Variants in GASK1B observed in about 807,000 individuals in gnomAD.
GASK1B encodes Golgi-associated kinase 1B.
A neutral mutation model predicts 42.8 loss-of-function variants in GASK1B; 34 were observed. The observed-to-expected ratio is 0.79, with a 90% confidence interval of 0.60 to 1.06. The LOEUF is 1.06. Among genes scored for constraint, GASK1B ranks in the 50% least tolerant of loss-of-function variants. The pLI, the probability that GASK1B is intolerant of heterozygous loss-of-function variation, is 0.00. For missense variants in GASK1B, 686 were observed against 661.0 expected (o/e 1.04, Z -0.42); for synonymous variants, 262 against 259.1 (o/e 1.01, Z -0.11).
intron 2 of GASK1B, among the ~76,000 whole-genome samples, chr4:158,164,980 G>A (rs1206324933): frequency 6.6e-6 from 1 of 152,232 alleles, no homozygotes; most frequent in Non-Finnish European, 1.5e-5. Flanking sequence ...AAATGGAAGT[G>A]TGTGGGGTGC....
chr4:158,171,170 C>T lies in GASK1B; in HGVS notation c.206G>A (p.Gly69Glu), dbSNP rs758652166. The change falls in exon 2 of 5, where the codon GGG becomes GAG. Residue 69 changes from glycine to glutamate, a missense_variant. Physicochemically the swap from Gly to Glu is moderately conservative, Grantham distance 98. Coordinates refer to ENST00000585682, the MANE Select transcript of GASK1B (RefSeq NM_001128424.2). Reference sequence around the variant, plus strand: ...GGCGGTGTCGCGGCTGCGATGTGGCCCCTTCTCAGCCGCCTGTCCATGCTG... The same window carrying T: ...GGCGGTGTCGCGGCTGCGATGTGGCTCCTTCTCAGCCGCCTGTCCATGCTG... ...SLQHGQAAEKGPHRSRDTAEP... is the reference protein window; with the variant it reads ...SLQHGQAAEKEPHRSRDTAEP... 1 of 1,611,136 alleles carries T rather than the reference C, an allele frequency of 6.2e-7. No individual in the cohort carries two copies. Among genetic ancestry groups the T allele is most frequent in the Non-Finnish European group, 8.5e-7 (1 of 1,178,196 alleles).
intron 3 of GASK1B, among the ~76,000 whole-genome samples, chr4:158,153,421 C>G (rs111637684): frequency 3.9e-5 from 6 of 152,034 alleles, no homozygotes; most frequent in African/African-American, 1.4e-4. Context: ...TGAAAATGAC[C>G]ATCCTGCTAA....
rs772679067 is a variant in GASK1B, at chr4:158,133,200, AC to A, written c.1126-2189del. 1.3e-5 allele frequency among the ~76,000 whole-genome samples: 2 copies of A among 151,962 alleles called. 1 individual carries two copies. Among genetic ancestry groups the A allele is most frequent in the East Asian group, 3.9e-4 (2 of 5,190 alleles). On this transcript the variant is annotated intron_variant, in intron 3 of 4. Coordinates refer to ENST00000585682, the MANE Select transcript of GASK1B (RefSeq NM_001128424.2). The stretch of plus-strand genomic sequence containing the variant: ...TCTATAAGCTGCTTCCCACTCAATC[AC>A]CCCTTTTTTTAAATACACATTAACT...
chr4:158,135,329 A>G (rs1433031423), intron 3 of GASK1B, among the ~76,000 whole-genome samples: 16 of 149,688 alleles, frequency 1.1e-4, no homozygotes, highest in Admixed American at 1.1e-3. Flanking sequence ...TCAAAAAAAA[A>G]AAAAAAAAAA....
rs1730509203 is a variant in GASK1B, at chr4:158,127,569, C to T, written c.1398G>A (p.Arg466=). Residue 466 remains arginine (R), a synonymous_variant, in exon 5 of 5, where the codon CGG becomes CGA. Coordinates refer to ENST00000585682, the MANE Select transcript of GASK1B (RefSeq NM_001128424.2). Reference sequence around the variant, plus strand: ...GAAACAGAGACTGAAGAAGTTTCTGCCGTAAGTGCTGGCTCTTCAAAACAG... The same window carrying T: ...GAAACAGAGACTGAAGAAGTTTCTGTCGTAAGTGCTGGCTCTTCAAAACAG... ...AVSVLKSQHL[R]QKLLQSLFLD... 2 of 1,613,416 alleles carry T rather than the reference C, an allele frequency of 1.2e-6. No homozygotes were observed. Among genetic ancestry groups the T allele is most frequent in the African/African-American group, 2.7e-5 (2 of 74,872 alleles).
chr4:158,162,105 C>T (rs1377913023), intron 2 of GASK1B, among the ~76,000 whole-genome samples: 4 of 152,206 alleles, frequency 2.6e-5, no homozygotes, highest in Admixed American at 6.5e-5. Context: ...CATCCCATCT[C>T]TCACACCACC....
intron 3 of GASK1B, among the ~76,000 whole-genome samples, chr4:158,141,166 A>C (rs562504274): frequency 6.6e-6 from 1 of 152,246 alleles, no homozygotes; most frequent in Admixed American, 6.5e-5. Flanking sequence ...GTAGGTGGAA[A>C]GAATGTATTA....
At chr4:158,153,585 A>G (rs1424291707) in intron 3 of GASK1B, among the ~76,000 whole-genome samples, 1 of 152,230 alleles carries the variant, frequency 6.6e-6, no homozygotes. Flanking sequence ...TGGAGCCATC[A>G]CATTACCTGA....
rs775050064 is a variant in GASK1B, at chr4:158,130,835, C to G, written c.1303G>C (p.Asp435His). 6.2e-7 allele frequency: 1 copy of G among 1,613,792 alleles called. No homozygotes were observed. Among genetic ancestry groups the G allele is most frequent in the South Asian group, 1.1e-5 (1 of 91,066 alleles). ...LVFIDNKGFF[D>H]RSEDNLNFKL... ...AAGTTTAAGTTATCTTCACTCCTGT[C>G]AAAGAAACCCTTGTTGTCTATAAAA... Residue 435 changes from aspartate (D) to histidine (H), a missense_variant, in exon 4 of 5, where the codon GAC becomes CAC. Physicochemically the swap from Asp to His is moderately conservative, Grantham distance 81 (BLOSUM62 -1). Coordinates refer to ENST00000585682, the MANE Select transcript of GASK1B (RefSeq NM_001128424.2).
intron 3 of GASK1B, among the ~76,000 whole-genome samples, chr4:158,141,606 T>A (rs1243098250): frequency 1.7e-5 from 2 of 120,000 alleles, no homozygotes; most frequent in Non-Finnish European, 3.5e-5. Context: ...CCTTTTTTTT[T>A]TTTTTTTTTT....
At position 158,130,919 on chromosome 4, in the gene GASK1B, G is replaced by C; in HGVS notation, c.1219C>G (p.Gln407Glu). ...QNGLRPKCDDQGSAALAHIIQ... is the reference protein window; with the variant it reads ...QNGLRPKCDDEGSAALAHIIQ... ...ATGTGTGCTAGAGCCGCAGAACCTT[G>C]GTCATCACATTTTGGCCTCAATCCA... Residue 407 changes from glutamine (Q) to glutamate (E), a missense_variant, in exon 4 of 5, where the codon CAA becomes GAA. Transcript: ENST00000585682. The C allele has an allele frequency of 6.2e-7, 1 of 1,614,054 alleles. No individual in the cohort carries two copies. The highest frequency in any genetic ancestry group is 1.1e-5 in the South Asian group (1 of 91,066).
intron 4 of GASK1B, among the ~76,000 whole-genome samples, chr4:158,130,566 C>T (rs912552492): frequency 1.3e-5 from 2 of 152,242 alleles, no homozygotes; most frequent in African/African-American, 4.8e-5. Context: ...GTAGCATGCA[C>T]TTTGTAGGCG....
Position 158,170,525 on chromosome 4 carries a change from C to CTG in GASK1B, c.849_850dup (p.Arg284ThrfsTer13), listed in dbSNP as rs1396465239. 1 of 1,614,226 alleles carries CTG rather than the reference C, an allele frequency of 6.2e-7. No individual in the cohort carries two copies. The highest frequency in any genetic ancestry group is 1.1e-5 in the South Asian group (1 of 91,088). ...CAGGGTCCTGTTGAGCCCCAGGATC[C>CTG]TGTCTAGGTGGAAGGCAAACACCTC... On this transcript the variant is annotated frameshift_variant, in exon 2 of 5. Transcript: ENST00000585682. LOFTEE classifies it high-confidence loss of function.
intron 3 of GASK1B, among the ~76,000 whole-genome samples, chr4:158,154,466 C>A (rs936367173): frequency 1.3e-5 from 2 of 152,094 alleles, no homozygotes; most frequent in Non-Finnish European, 2.9e-5. Flanking sequence ...CCTTAAAGAA[C>A]TAAAAGTAGA....
chr4:158,145,763 C>G (rs915809583), intron 3 of GASK1B, among the ~76,000 whole-genome samples: 2 of 152,174 alleles, frequency 1.3e-5, no homozygotes, highest in African/African-American at 2.4e-5. Context: ...ATTACCAGCA[C>G]TAAACCTACT....
intron 3 of GASK1B, among the ~76,000 whole-genome samples, chr4:158,149,356 T>C (rs543358767): frequency 6.6e-6 from 1 of 152,338 alleles, no homozygotes; most frequent in East Asian, 1.9e-4. Context: ...TTCTTCACTA[T>C]AACACACAAT....
At chr4:158,150,253 C>T (rs1431741949) in intron 3 of GASK1B, among the ~76,000 whole-genome samples, 1 of 152,132 alleles carries the variant, frequency 6.6e-6, no homozygotes, top group Non-Finnish European at 1.5e-5. Context: ...AGTGTTAGCA[C>T]ACCAGAGAAT....
At chr4:158,150,319 T>C (rs924909311) in intron 3 of GASK1B, among the ~76,000 whole-genome samples, 2 of 151,066 alleles carry the variant, frequency 1.3e-5, no homozygotes, top group African/African-American at 2.4e-5. Context: ...ATAAAGATAA[T>C]GTATCCATCT....
Position 158,130,980 on chromosome 4 carries a change from T to C in GASK1B, c.1158A>G (p.Gly386=). Reference sequence around the variant, plus strand: ...AGGCATCTTCCTTGCGAGGTCTGAATCCACAGCAATTTGTATCTAAGCGAT... The same window carrying C: ...AGGCATCTTCCTTGCGAGGTCTGAACCCACAGCAATTTGTATCTAAGCGAT... ...IYNRLDTNCC[G]FRPRKEDACV... is the part of the protein sequence containing the mutation. The change falls in exon 4 of 5, where the codon GGA becomes GGG. Residue 386 remains glycine (G), a synonymous_variant. Coordinates refer to ENST00000585682, the MANE Select transcript of GASK1B (RefSeq NM_001128424.2). The C allele has an allele frequency of 1.2e-6, 2 of 1,613,990 alleles. No homozygotes were observed. The highest frequency in any genetic ancestry group is 1.7e-6 in the Non-Finnish European group (2 of 1,179,940).
Sources: gnomAD v4.1 joint callset for allele counts (sites outside exome capture counted in the v4.1 genomes callset) on GRCh38, gnomAD v4.1.1 for gene constraint, MANE v1.5 for transcripts, NCBI Gene and HGNC (gene_info 2026-07-23, HGNC 2026-07-21) for gene names.